The following ROBO2 variants were observed in gnomAD, a reference collection of about 807,000 sequenced individuals.
ROBO2 encodes the protein roundabout homolog 2.
Under a neutral mutation model 160.8 loss-of-function variants are expected in ROBO2, and 53 were observed. The ratio of observed to expected loss-of-function variants is 0.33; its 90% CI spans 0.26 to 0.41. ROBO2 has a LOEUF of 0.41. Ranked by LOEUF, ROBO2 falls within the 10% of genes least tolerant of loss-of-function variation. The pLI, the probability that ROBO2 is intolerant of heterozygous loss-of-function variation, is 1.00. For synonymous variants in ROBO2, 664 were observed against 611.7 expected, an observed-to-expected ratio of 1.09 and a Z score of -1.26; for missense variants, 1,577 against 1,722.4, an observed-to-expected ratio of 0.92 and a Z score of 1.49.
chr3:76,435,156 G>A (rs556310241), intron 2 of ROBO2: 2 of 992,594 alleles, frequency 2.0e-6, no homozygotes, highest in South Asian at 2.5e-5. Context: ...TGATGACATG[G>A]TGGGCATTGT....
chr3:76,590,507 C>A (rs535530489), intron 2 of ROBO2, among the ~76,000 whole-genome samples: 74 of 152,250 alleles, frequency 4.9e-4, no homozygotes, highest in African/African-American at 1.7e-3. Flanking sequence ...AACCAACTGA[C>A]AGAGTAAAAT....
chr3:77,537,099 T>G (rs1225183771), intron 6 of ROBO2, among the ~76,000 whole-genome samples: 42 of 127,784 alleles, frequency 3.3e-4, no homozygotes, highest in South Asian at 5.9e-4. Flanking sequence ...ACATATTTTG[T>G]GGGGGGGGGG....
chr3:77,109,302 A>G (rs1345531699), intron 2 of ROBO2, among the ~76,000 whole-genome samples: 1 of 152,220 alleles, frequency 6.6e-6, no homozygotes, highest in Non-Finnish European at 1.5e-5. Flanking sequence ...GTTACACAAC[A>G]GTGTGAATAT....
At chr3:76,467,784 T>C (rs143557444) in intron 2 of ROBO2, among the ~76,000 whole-genome samples, 38 of 152,260 alleles carry the variant, frequency 2.5e-4, no homozygotes, top group Admixed American at 1.2e-3. Flanking sequence ...AGTGGATAGA[T>C]AATTTGTGGT....
rs145790281 is a variant in ROBO2 at position 77,332,050 on chromosome 3, T to C, written c.389-145364T>C. 1.5e-3 allele frequency among the ~76,000 whole-genome samples: 229 copies of C among 152,288 alleles called. 1 individual carries two copies. The highest frequency in any genetic ancestry group is 5.2e-3 in the African/African-American group (216 of 41,568). ...GTTAGATATGGTAGTGTTATAACTG[T>C]TGATATCCTTTGTAGTCTGTACTTA... is the stretch of plus-strand genomic sequence containing the variant. On this transcript the variant is annotated intron_variant, in intron 2 of 25. Coordinates refer to ENST00000461745, the Ensembl canonical transcript of ROBO2.
At chr3:76,405,717 T>C (rs2078088621) in intron 2 of ROBO2, among the ~76,000 whole-genome samples, 1 of 151,618 alleles carries the variant, frequency 6.6e-6, no homozygotes. Flanking sequence ...TTTTCCTCTA[T>C]CCACACTCTT....
intron 2 of ROBO2, among the ~76,000 whole-genome samples, chr3:76,600,999 T>C (rs2087098894): frequency 1.3e-5 from 2 of 152,116 alleles, no homozygotes; most frequent in Non-Finnish European, 2.9e-5. Context: ...TGGGAGACAT[T>C]GGCCAAAACA....
chr3:76,869,342 GT>G (rs34051755), intron 2 of ROBO2, among the ~76,000 whole-genome samples: 4,588 of 71,076 alleles, frequency 0.065, 20 homozygotes, highest in East Asian at 0.14. Flanking sequence ...AGAAATTGAT[GT>G]TTTTTTTTTT....
chr3:77,364,306 T>C (rs2070504814), intron 2 of ROBO2, among the ~76,000 whole-genome samples: 1 of 152,108 alleles, frequency 6.6e-6, no homozygotes, highest in Admixed American at 6.6e-5. Context: ...TCCCAGGCAA[T>C]GTTCATGACC....
chr3:76,230,932 A>G (rs1012345431), intron 2 of ROBO2, among the ~76,000 whole-genome samples: 1 of 152,208 alleles, frequency 6.6e-6, no homozygotes, highest in African/African-American at 2.4e-5. Flanking sequence ...ACACAAAGGC[A>G]GAGATCAGGG....
intron 2 of ROBO2, among the ~76,000 whole-genome samples, chr3:76,040,075 A>G (rs375215050): frequency 1.3e-5 from 2 of 152,032 alleles, no homozygotes; most frequent in South Asian, 2.1e-4. Context: ...CATTTTTAAC[A>G]TTTGCTATTC....
intron 2 of ROBO2, among the ~76,000 whole-genome samples, chr3:76,766,253 C>T (rs1206070192): frequency 6.6e-6 from 1 of 151,598 alleles, no homozygotes; most frequent in Non-Finnish European, 1.5e-5. Context: ...ACCCACTTCA[C>T]CTACAATGAG....
chr3:77,214,250 A>C (rs562092907), intron 2 of ROBO2, among the ~76,000 whole-genome samples: 16 of 152,162 alleles, frequency 1.1e-4, no homozygotes, highest in Non-Finnish European at 1.9e-4. Flanking sequence ...TTCCTTTACG[A>C]GTCTGGGTGC....
At chr3:77,634,602 GT>G in intron 23 of ROBO2, 1 of 454,732 alleles carries the variant, frequency 2.2e-6, no homozygotes, top group South Asian at 2.3e-5. Context: ...GCAATATTGA[GT>G]TGTGGATTGG....
At chr3:77,360,236 G>A (rs1186607879) in intron 2 of ROBO2, among the ~76,000 whole-genome samples, 1 of 149,122 alleles carries the variant, frequency 6.7e-6, no homozygotes, top group East Asian at 2.1e-4. Context: ...AGTTGCAACA[G>A]TTAGAATGTA....
chr3:76,882,468 C>T (rs1326467191), intron 2 of ROBO2, among the ~76,000 whole-genome samples: 3 of 152,012 alleles, frequency 2.0e-5, no homozygotes, highest in Non-Finnish European at 4.4e-5. Context: ...CCCCCATCCC[C>T]GCCCTATATT....
intron 2 of ROBO2, among the ~76,000 whole-genome samples, chr3:76,790,121 C>A (rs1014368867): frequency 2.2e-4 from 34 of 151,612 alleles, no homozygotes; most frequent in African/African-American, 6.3e-4. Flanking sequence ...AGATTAGTCT[C>A]ATACTGCTGA....
intron 15 of ROBO2, 113 bp downstream of exon 16, chr3:77,577,727 G>C (rs1167409565): frequency 2.3e-6 from 3 of 1,287,196 alleles, no homozygotes; most frequent in East Asian, 2.4e-5. Flanking sequence ...TAAGTGTAAA[G>C]TTTTTATTTA....
At chr3:77,333,880 A>C (rs1014385919) in intron 2 of ROBO2, among the ~76,000 whole-genome samples, 3 of 152,202 alleles carry the variant, frequency 2.0e-5, no homozygotes, top group Non-Finnish European at 2.9e-5. Context: ...AAGGGTATTA[A>C]CTAGCATTAA....
Sources: gnomAD v4.1 joint callset for allele counts (sites outside exome capture counted in the v4.1 genomes callset) on GRCh38, gnomAD v4.1.1 for gene constraint, MANE v1.5 for transcripts, NCBI Gene and HGNC (gene_info 2026-07-23, HGNC 2026-07-21) for gene names.